The following WDR17 variants were observed in gnomAD, a reference collection of about 807,000 sequenced individuals.
WDR17 encodes the protein WD repeat-containing protein 17.
In WDR17, 143 loss-of-function variants were observed where a neutral mutation model predicts 161.7. The observed-to-expected ratio is 0.88, with a 90% CI of 0.77 to 1.02. WDR17 has a LOEUF of 1.02. Ranked by LOEUF, WDR17 falls within the 50% of genes least tolerant of loss-of-function variation. The probability of loss-of-function intolerance (pLI) is 0.00; values close to 1 mark genes in which losing one functional copy is unlikely to be tolerated. For missense variants in WDR17, 1,469 were observed against 1,520.9 expected (o/e 0.97, Z 0.57); for synonymous variants, 517 against 515.6 (o/e 1.00, Z -0.04).
At chr4:176,137,327 G>T (rs1744570355) in intron 8 of WDR17, among the ~76,000 whole-genome samples, 193 bp from the exon 9 acceptor site, 1 of 151,624 alleles carries the variant, frequency 6.6e-6, no homozygotes, top group African/African-American at 2.4e-5. Context: ...TTTGATAATT[G>T]TTGAAGCTGT....
intron 3 of WDR17, among the ~76,000 whole-genome samples, chr4:176,118,065 A>G (rs893646377): frequency 2.2e-4 from 34 of 152,104 alleles, no homozygotes; most frequent in African/African-American, 7.0e-4. Flanking sequence ...GAAAATGCAT[A>G]TTAGTTTTTC....
intron 1 of WDR17, among the ~76,000 whole-genome samples, chr4:176,096,052 A>G (rs1275032195): frequency 1.3e-5 from 2 of 152,106 alleles, no homozygotes; most frequent in Non-Finnish European, 2.9e-5. Flanking sequence ...GGAAGCAAAC[A>G]GAAATATAGG....
chr4:176,126,345 CAGAG>C (rs67032682), intron 5 of WDR17, among the ~76,000 whole-genome samples: 1 of 151,924 alleles, frequency 6.6e-6, no homozygotes, highest in Non-Finnish European at 1.5e-5. Flanking sequence ...TGATTGTGTT[CAGAG>C]AGAGAGACCT....
intron 1 of WDR17, among the ~76,000 whole-genome samples, chr4:176,108,192 G>A (rs993526580): frequency 6.6e-5 from 10 of 152,014 alleles, no homozygotes; most frequent in Admixed American, 2.0e-4. Flanking sequence ...TGGTTAAGAA[G>A]TTAGATTTTA....
At chr4:176,102,627 CTG>C (rs1737997345) in intron 1 of WDR17, among the ~76,000 whole-genome samples, 1 of 152,204 alleles carries the variant, frequency 6.6e-6, no homozygotes, top group South Asian at 2.1e-4. Context: ...GATAAATAAA[CTG>C]TGCTACATCT....
intron 1 of WDR17, among the ~76,000 whole-genome samples, chr4:176,077,744 T>C (rs1578990591): frequency 6.6e-6 from 1 of 152,116 alleles, no homozygotes; most frequent in East Asian, 1.9e-4. Context: ...GTTAAATTGA[T>C]GTCATTGTGA....
In WDR17 at chr4:176,150,423, GT is replaced by G. The variant is rs749602021; in HGVS notation, c.2179-40del. The G allele has an allele frequency of 1.6e-5, 25 of 1,566,188 alleles. No individual in the cohort carries two copies. In the East Asian group the frequency reaches 5.0e-4, roughly 31 times the overall value. On this transcript the variant is annotated intron_variant, in intron 15 of 28. Coordinates refer to ENST00000508596, the MANE Select transcript of WDR17 (RefSeq NM_181265.4). ...TTTTGAAGATGCAAAATATTATGAG[GT>G]TTTTAATTCACTATTCCATATTTAT...
intron 23 of WDR17, among the ~76,000 whole-genome samples, chr4:176,169,019 A>C (rs1197935611): frequency 6.6e-6 from 1 of 152,170 alleles, no homozygotes; most frequent in Non-Finnish European, 1.5e-5. Flanking sequence ...AAAACTTTGA[A>C]AAGCATGGGA....
chr4:176,165,914 C>A (rs1265551368), intron 22 of WDR17, among the ~76,000 whole-genome samples: 1 of 152,172 alleles, frequency 6.6e-6, no homozygotes. Flanking sequence ...AAATGTGGTG[C>A]TGATTAGCTT....
At chr4:176,176,737 C>A (rs1253910428) in intron 26 of WDR17, among the ~76,000 whole-genome samples, 3 of 152,192 alleles carry the variant, frequency 2.0e-5, no homozygotes. Context: ...AGTGTTCTCT[C>A]TCACTGTGGC....
chr4:176,065,974 G>C lies in WDR17; in HGVS notation c.-112G>C, dbSNP rs1457879317. On this transcript the variant is annotated 5_prime_UTR_variant, in exon 1 of 29. Transcript: ENST00000508596. ...CCCCGGGCGCCCTGAGCGAGCAGGC[G>C]GGGAGGGCGGGGAGGGTCCGCGCGT... is the stretch of plus-strand genomic sequence containing the variant. 1.6e-4 allele frequency: 25 copies of C among 152,084 alleles called. No homozygotes were observed. The highest frequency in any genetic ancestry group is 1.5e-5 in the Non-Finnish European group (1 of 68,008). 9.4% of individuals were successfully genotyped at this position (152,084 alleles called of 1,614,324 possible). A position where few individuals can be genotyped will look rare whatever the true frequency, so the allele number is the denominator to read the frequency against.
Position 176,179,636 on chromosome 4 carries a change from A to T in WDR17, c.*57A>T. 6.8e-7 allele frequency: 1 copy of T among 1,471,140 alleles called. No individual in the cohort carries two copies. 91.1% of individuals were successfully genotyped at this position (1,471,140 alleles called of 1,614,324 possible). ...TTTTAAAGAAAAACTTTCATGGGTT[A>T]GCATTACCTTAATCTTTGTTGCTCA... On this transcript the variant is annotated 3_prime_UTR_variant, in exon 29 of 29. Coordinates refer to ENST00000508596, the MANE Select transcript of WDR17 (RefSeq NM_181265.4).
At chr4:176,173,439 G>A (rs1751028287) in intron 25 of WDR17, 70 bp downstream of exon 25, 6 of 1,010,368 alleles carry the variant, frequency 5.9e-6, no homozygotes, top group Non-Finnish European at 9.0e-6. Flanking sequence ...CATTGTTTTT[G>A]GTATTCAGAT....
chr4:176,149,994 A>T (rs761864151), intron 14 of WDR17, 38 bp downstream of exon 14: 3 of 1,609,912 alleles, frequency 1.9e-6, no homozygotes, highest in East Asian at 4.5e-5. Context: ...TTATTTCTAA[A>T]TAAGTTTTAT....
chr4:176,087,794 G>A (rs1735606929), intron 1 of WDR17, among the ~76,000 whole-genome samples: 1 of 151,984 alleles, frequency 6.6e-6, no homozygotes, highest in South Asian at 2.1e-4. Flanking sequence ...ATAAATTTCA[G>A]CCATTGTGTT....
intron 1 of WDR17, among the ~76,000 whole-genome samples, chr4:176,074,070 T>C (rs1316632155): frequency 6.6e-6 from 1 of 152,020 alleles, no homozygotes; most frequent in Non-Finnish European, 1.5e-5. Flanking sequence ...ACTCTGATGG[T>C]AGTTTCTTTT....
chr4:176,115,208 T>C (rs1740407193), intron 2 of WDR17, among the ~76,000 whole-genome samples: 1 of 151,800 alleles, frequency 6.6e-6, no homozygotes, highest in Non-Finnish European at 1.5e-5. Context: ...ATGATAGAGA[T>C]TAATTCACTA....
chr4:176,155,716 A>AAAAAATATATATATAT (rs1554033763), intron 17 of WDR17, among the ~76,000 whole-genome samples: 31 of 130,294 alleles, frequency 2.4e-4, no homozygotes, highest in Admixed American at 1.2e-3. Context: ...GACTAATTAA[A>AAAAAATATATATATAT]ATATATATAT....
At position 176,135,169 on chromosome 4, in the gene WDR17, C is replaced by G; in HGVS notation, c.1160C>G (p.Thr387Arg). ...CCTGACGATCCTAATCTTTTAGCAA[C>G]AGCTTCATTTGATGGCACTATAAAA... ...FKPDDPNLLA[T>R]ASFDGTIKVW... Residue 387 changes from threonine to arginine, a missense_variant, in exon 8 of 29, where the codon ACA (threonine) becomes AGA (arginine). Thr to Arg is a moderately conservative substitution (Grantham distance 71). Coordinates refer to ENST00000508596, the MANE Select transcript of WDR17 (RefSeq NM_181265.4). The G allele has an allele frequency of 6.2e-7, 1 of 1,612,306 alleles. No homozygotes were observed. Among genetic ancestry groups the G allele is most frequent in the Non-Finnish European group, 8.5e-7 (1 of 1,178,662 alleles).
Sources: allele counts gnomAD v4.1 joint callset (sites outside exome capture counted in the v4.1 genomes callset), GRCh38; gene constraint gnomAD v4.1.1; transcripts MANE v1.5; gene names NCBI Gene and HGNC (gene_info 2026-07-23, HGNC 2026-07-21).